MSH6: variants seen among roughly 807,000 people sequenced by gnomAD.
MSH6 encodes mutS homolog 6, also known as DNA mismatch repair protein Msh6.
In MSH6, 85 loss-of-function variants were observed where a neutral mutation model predicts 119.1. The observed-to-expected ratio is 0.71, with a 90% CI of 0.60 to 0.85. MSH6 has a LOEUF of 0.85. MSH6 is among the 40% of genes least tolerant of loss of function. MSH6 has a pLI of 0.00. For missense variants in MSH6, 2,163 were observed against 1,655.3 expected (o/e 1.31, Z -5.32); for synonymous variants, 830 against 586.9 (o/e 1.41, Z -5.99).
intron 4 of MSH6, chr2:47,801,361 G>GTTTTTTTTTTTCTTTTTTTTTTTTT (rs1669577708): frequency 1.2e-5 from 1 of 84,402 alleles, no homozygotes; most frequent in Non-Finnish European, 2.0e-5. Context: ...CCTTTCTTCA[G>GTTTTTTTTTTTCTTTTTTTTTTTTT]TTTTTTTTTT....
At position 47,800,313 on chromosome 2, in the gene MSH6, G is replaced by A. The variant is rs587779234; in HGVS notation, c.2330G>A (p.Trp777Ter). 1 of 1,614,086 alleles carries A rather than the reference G, an allele frequency of 6.2e-7. No individual in the cohort carries two copies. The highest frequency in any genetic ancestry group is 8.5e-7 in the Non-Finnish European group (1 of 1,180,018). Residue 777 changes from tryptophan to a stop codon, truncating the protein, a stop_gained, in exon 4 of 10, where the codon TGG becomes TAG. Transcript: ENST00000234420. LOFTEE classifies it high-confidence loss of function. ...TTTGGTAAGCGGCTCCTAAAGCAAT[G>A]GCTTTGTGCCCCACTCTGTAACCAT... ...TPFGKRLLKQ[W>*]LCAPLCNHYA...
chr2:47,789,586 A>G (rs1215899754), intron 1 of MSH6: 2 of 316,612 alleles, frequency 6.3e-6, no homozygotes, highest in African/African-American at 4.5e-5. Context: ...GTTCTAAGGT[A>G]ACAGCCCTTT....
rs1424749498 is a variant in MSH6 at position 47,800,080 on chromosome 2, G to T, written c.2097G>T (p.Glu699Asp). Residue 699 changes from glutamate (E) to aspartate (D), a missense_variant, in exon 4 of 10, where the codon GAG becomes GAT. Coordinates refer to ENST00000234420, the MANE Select transcript of MSH6 (RefSeq NM_000179.3). The part of the protein sequence containing the change: ...FYLKKCLIDQ[E>D]LLSMANFEEY... ...TCAAAAAATGCCTTATTGATCAGGAGCTTTTATCAATGGCTAATTTTGAAG... is the reference window on the plus strand; with the variant it reads ...TCAAAAAATGCCTTATTGATCAGGATCTTTTATCAATGGCTAATTTTGAAG... 6.2e-7 allele frequency: 1 copy of T among 1,614,148 alleles called. No individual in the cohort carries two copies. Among genetic ancestry groups the T allele is most frequent in the South Asian group, 1.1e-5 (1 of 91,088 alleles).
intron 2 of MSH6, among the ~76,000 whole-genome samples, chr2:47,795,255 T>G (rs901277883): frequency 3.3e-5 from 5 of 152,142 alleles, no homozygotes. Flanking sequence ...AAATTGGTGA[T>G]TTTAGTTTCA....
At chr2:47,787,882 A>G (rs988965079) in intron 1 of MSH6, among the ~76,000 whole-genome samples, 2 of 152,204 alleles carry the variant, frequency 1.3e-5, no homozygotes, top group African/African-American at 4.8e-5. Context: ...TGCTGGGATC[A>G]TAGGTGTGAG....
rs777101467 is a variant in MSH6 at position 47,783,353 on chromosome 2, C to G, written c.120C>G (p.Ala40=). 6.2e-7 allele frequency: 1 copy of G among 1,607,914 alleles called. No individual in the cohort carries two copies. Among genetic ancestry groups the G allele is most frequent in the South Asian group, 1.1e-5 (1 of 90,416 alleles). The change falls in exon 1 of 10, where the codon GCC becomes GCG. Residue 40 remains alanine, a synonymous_variant. Coordinates refer to ENST00000234420, the MANE Select transcript of MSH6 (RefSeq NM_000179.3). ...GCCGTGCCGCCGCTGCCCCCGGGGCCTCTCCTTCCCCAGGCGGGGATGCGG... is the reference window on the plus strand; with the variant it reads ...GCCGTGCCGCCGCTGCCCCCGGGGCGTCTCCTTCCCCAGGCGGGGATGCGG... The part of the protein sequence containing the change: ...EGGRAAAAPG[A]SPSPGGDAAW...
At position 47,790,999 on chromosome 2, in the gene MSH6, C is replaced by T. The variant is rs786202772; in HGVS notation, c.333C>T (p.Tyr111=). 44 of 1,614,120 alleles carry T rather than the reference C, an allele frequency of 2.7e-5. No individual in the cohort carries two copies. The highest frequency in any genetic ancestry group is 3.5e-5 in the Non-Finnish European group (41 of 1,180,058). ...EGYPWWPCLV[Y]NHPFDGTFIR... The stretch of plus-strand genomic sequence containing the variant: ...ACCCCTGGTGGCCTTGTCTGGTTTA[C>T]AACCACCCCTTTGATGGAACATTCA... The change falls in exon 2 of 10, where the codon TAC becomes TAT. Residue 111 remains tyrosine (Y), a synonymous_variant. Coordinates refer to ENST00000234420, the MANE Select transcript of MSH6 (RefSeq NM_000179.3).
Position 47,783,409 on chromosome 2 carries a change from C to A in MSH6, c.176C>A (p.Pro59His). Residue 59 changes from proline (P) to histidine (H), a missense_variant, in exon 1 of 10, where the codon CCC becomes CAC. Coordinates refer to ENST00000234420, the MANE Select transcript of MSH6 (RefSeq NM_000179.3). ...AWSEAGPGPR[P>H]LARSASPPKA... ...AGCGAGGCTGGGCCTGGGCCCAGGCCCTTGGCGCGCTCCGCGTCACCGCCC... is the reference window on the plus strand; with the variant it reads ...AGCGAGGCTGGGCCTGGGCCCAGGCACTTGGCGCGCTCCGCGTCACCGCCC... The A allele has an allele frequency of 6.5e-7, 1 of 1,528,590 alleles. No homozygotes were observed. Among genetic ancestry groups the A allele is most frequent in the Non-Finnish European group, 8.8e-7 (1 of 1,140,684 alleles). The allele number at this position is 1,528,590 out of a possible 1,614,324, so 94.7% of individuals were successfully genotyped here.
chr2:47,800,290 T>G lies in MSH6; in HGVS notation c.2307T>G (p.Phe769Leu). 1.2e-6 allele frequency: 2 copies of G among 1,614,204 alleles called. No homozygotes were observed. The highest frequency in any genetic ancestry group is 1.7e-6 in the Non-Finnish European group (2 of 1,180,034). Residue 769 changes from phenylalanine to leucine, a missense_variant, in exon 4 of 10, where the codon TTT becomes TTG. Transcript: ENST00000234420. Reference protein sequence around the residue: ...LERVDTCHTPFGKRLLKQWLC... With the variant: ...LERVDTCHTPLGKRLLKQWLC... ...GGGTTGATACTTGCCATACTCCTTT[T>G]GGTAAGCGGCTCCTAAAGCAATGGC...
chr2:47,790,809 G>T (rs1711979), intron 1 of MSH6, 118 bp from the exon 2 acceptor site: 1 of 902,912 alleles, frequency 1.1e-6, no homozygotes, highest in Non-Finnish European at 1.8e-6. Context: ...AATTATTCTA[G>T]AATTTCTGTG....
downstream of MSH6, chr2:47,807,105 T>C (rs1670264511): frequency 2.0e-6 from 1 of 492,298 alleles, no homozygotes; most frequent in Non-Finnish European, 3.6e-6. Context: ...CTGTCACCAA[T>C]ACACATAAAT....
downstream of MSH6, chr2:47,807,074 T>A (rs1446077768): frequency 2.2e-5 from 12 of 550,646 alleles, no homozygotes; most frequent in Middle Eastern, 9.6e-4. Context: ...ATGCATACAC[T>A]TTCAGGCTGT....
At chr2:47,808,540 C>A, downstream of MSH6, 9 of 802,048 alleles carry the variant, frequency 1.1e-5, no homozygotes, top group East Asian at 5.4e-5. Context: ...AAACAAAATT[C>A]TTTGTGGCTC....
chr2:47,798,875 C>G lies in MSH6; in HGVS notation c.892C>G (p.Arg298Gly), dbSNP rs146816935. The change falls in exon 4 of 10, where the codon CGA becomes GGA. Residue 298 changes from arginine (R) to glycine (G), a missense_variant. By Grantham distance (125) the Arg-to-Gly change is moderately radical (BLOSUM62 -2). Transcript: ENST00000234420. Reference sequence around the variant, plus strand: ...CCTGAACAGCCCTGTCAAAGTTGCTCGAAAGCGGAAGAGAATGGTGACTGG... The same window carrying G: ...CCTGAACAGCCCTGTCAAAGTTGCTGGAAAGCGGAAGAGAATGGTGACTGG... ...EGLNSPVKVA[R>G]KRKRMVTGNG... The G allele has an allele frequency of 2.5e-6, 4 of 1,614,026 alleles. No individual in the cohort carries two copies. Among genetic ancestry groups the G allele is most frequent in the South Asian group, 2.2e-5 (2 of 91,062 alleles).
chr2:47,810,021 G>A (rs1358703852), downstream of MSH6: 2 of 487,986 alleles, frequency 4.1e-6, no homozygotes, highest in African/African-American at 4.0e-5. Context: ...AAATTCATCT[G>A]AGGAATTGAA....
chr2:47,803,062 C>G lies in MSH6; in HGVS notation c.3173-358C>G, dbSNP rs181826433. On this transcript the variant is annotated intron_variant, in intron 4 of 9. Coordinates refer to ENST00000234420, the MANE Select transcript of MSH6 (RefSeq NM_000179.3). ...GCGTAGCTGGGATTACAGGCATATG[C>G]CACGTGTATTAGGCACTGCTAATTT... is the stretch of plus-strand genomic sequence containing the variant. 7.5e-4 allele frequency among the ~76,000 whole-genome samples: 114 copies of G among 152,260 alleles called. 1 individual carries two copies. The highest frequency in any genetic ancestry group is 2.6e-3 in the African/African-American group (108 of 41,530).
Position 47,800,355 on chromosome 2 carries a change from G to A in MSH6, c.2372G>A (p.Arg791His), listed in dbSNP as rs755587950. The A allele has an allele frequency of 1.9e-6, 3 of 1,614,002 alleles. No individual in the cohort carries two copies. The highest frequency in any genetic ancestry group is 1.7e-5 in the Admixed American group (1 of 59,990). The change falls in exon 4 of 10, where the codon CGT (arginine) becomes CAT (histidine). Residue 791 changes from arginine (R) to histidine (H), a missense_variant. By Grantham distance (29) the Arg-to-His change is conservative. Transcript: ENST00000234420. ...PLCNHYAIND[R>H]LDAIEDLMVV... ...TGTAACCATTATGCTATTAATGATCGTCTAGATGCCATAGAAGACCTCATG... is the reference window on the plus strand; with the variant it reads ...TGTAACCATTATGCTATTAATGATCATCTAGATGCCATAGAAGACCTCATG...
At chr2:47,804,831 TA>T (rs1234141447) in intron 5 of MSH6, 78 bp from the exon 6 acceptor site, 1 of 1,061,254 alleles carries the variant, frequency 9.4e-7, no homozygotes, top group East Asian at 2.4e-5. Context: ...AGCTCTTACG[TA>T]AGGGTTCATA....
rs1553414395 is a variant in MSH6 at position 47,801,001 on chromosome 2, C to T, written c.3018C>T (p.Tyr1006=). 6.4e-7 allele frequency: 1 copy of T among 1,567,200 alleles called. No homozygotes were observed. The highest frequency in any genetic ancestry group is 8.6e-7 in the Non-Finnish European group (1 of 1,158,824). Reference sequence around the variant, plus strand: ...CTACCAAGAAGGGCTGTAAACGATACTGGACCAAAACTATTGAAAAGAAGT... The same window carrying T: ...CTACCAAGAAGGGCTGTAAACGATATTGGACCAAAACTATTGAAAAGAAGT... The part of the protein sequence containing the change: ...LKSTKKGCKR[Y]WTKTIEKKLA... Residue 1006 remains tyrosine, a synonymous_variant, in exon 4 of 10, where the codon TAC becomes TAT. Transcript: ENST00000234420.
Sources: gnomAD v4.1 joint callset for allele counts (sites outside exome capture counted in the v4.1 genomes callset) on GRCh38, gnomAD v4.1.1 for gene constraint, MANE v1.5 for transcripts, NCBI Gene and HGNC (gene_info 2026-07-23, HGNC 2026-07-21) for gene names.